The following GPC6 variants were observed in gnomAD, a reference collection of about 807,000 sequenced individuals.
The protein encoded by GPC6 is glypican 6, also known as glypican-6.
Under a neutral mutation model 55.2 loss-of-function variants are expected in GPC6, and 14 were observed. That is an observed-to-expected ratio of 0.25 (90% confidence interval 0.17 to 0.40). GPC6 has a LOEUF of 0.40. GPC6 is among the 10% of genes least tolerant of loss of function. The probability of loss-of-function intolerance (pLI) is 1.00; values close to 1 mark genes in which losing one functional copy is unlikely to be tolerated. For synonymous variants in GPC6, 278 were observed against 259.6 expected (o/e 1.07, Z -0.68); for missense variants, 641 against 708.5 (o/e 0.90, Z 1.08).
In GPC6 at chr13:94,219,330, C is replaced by A. The variant is rs576672713; in HGVS notation, c.878-67019C>A. On this transcript the variant is annotated intron_variant, in intron 4 of 8. Transcript: ENST00000377047. The stretch of plus-strand genomic sequence containing the variant: ...AAGGGCCTGTCCCTGGGCCCTGGCA[C>A]TTTTTAGGTACTCAGTGCTAGTACC... Among the ~76,000 whole-genome samples the A allele has an allele frequency of 2.0e-5, 3 of 152,284 alleles. No individual in the cohort carries two copies. The East Asian group carries it at 5.8e-4, about 29-fold the overall frequency.
At chr13:94,351,388 C>A (rs1436171147) in intron 6 of GPC6, among the ~76,000 whole-genome samples, 1 of 151,962 alleles carries the variant, frequency 6.6e-6, no homozygotes, top group African/African-American at 2.4e-5. Context: ...ATAAAGCTGC[C>A]CCTACACCAT....
At chr13:94,354,047 C>T (rs1473172379) in intron 6 of GPC6, among the ~76,000 whole-genome samples, 2 of 152,238 alleles carry the variant, frequency 1.3e-5, no homozygotes, top group Admixed American at 6.5e-5. Flanking sequence ...CCCATGGCTA[C>T]ATGTGCTTGA....
At chr13:94,395,363 G>C (rs367670324) in intron 7 of GPC6, among the ~76,000 whole-genome samples, 1 of 152,286 alleles carries the variant, frequency 6.6e-6, no homozygotes, top group East Asian at 1.9e-4. Context: ...CCATTTTTTA[G>C]AGCAGTAAAT....
At chr13:93,949,102 A>G (rs1802385668) in intron 3 of GPC6, among the ~76,000 whole-genome samples, 1 of 152,116 alleles carries the variant, frequency 6.6e-6, no homozygotes, top group East Asian at 1.9e-4. Flanking sequence ...AACCTTCTAC[A>G]TTTCCAGTGG....
At chr13:93,751,144 G>A (rs1884566988) in intron 2 of GPC6, among the ~76,000 whole-genome samples, 1 of 137,722 alleles carries the variant, frequency 7.3e-6, no homozygotes, top group South Asian at 2.6e-4. Context: ...AGCTTTTCAA[G>A]TCCCAAAAAA....
At chr13:93,731,316 G>A (rs1293321776) in intron 2 of GPC6, among the ~76,000 whole-genome samples, 1 of 152,126 alleles carries the variant, frequency 6.6e-6, no homozygotes, top group Non-Finnish European at 1.5e-5. Context: ...GTGTTTTTGA[G>A]GTCTTGCCAG....
At chr13:93,402,900 T>C (rs1360541668) in intron 1 of GPC6, among the ~76,000 whole-genome samples, 1 of 152,170 alleles carries the variant, frequency 6.6e-6, no homozygotes, top group East Asian at 1.9e-4. Flanking sequence ...CTATGGAAAT[T>C]GTCTACTAAT....
intron 2 of GPC6, among the ~76,000 whole-genome samples, chr13:93,655,887 G>A (rs1358035308): frequency 6.6e-6 from 1 of 152,020 alleles, no homozygotes; most frequent in Non-Finnish European, 1.5e-5. Context: ...GTAGGAGAAT[G>A]GCATACATAT....
intron 2 of GPC6, among the ~76,000 whole-genome samples, chr13:93,787,074 G>T (rs1027956203): frequency 2.0e-5 from 3 of 152,080 alleles, no homozygotes; most frequent in Admixed American, 6.6e-5. Flanking sequence ...CATTTACAAG[G>T]CCTTTATGTA....
intron 4 of GPC6, among the ~76,000 whole-genome samples, chr13:94,070,259 G>A (rs918892478): frequency 2.0e-5 from 3 of 152,100 alleles, no homozygotes; most frequent in African/African-American, 7.2e-5. Context: ...CATGAGAACA[G>A]CACAGGAAAG....
At chr13:93,427,979 A>G (rs1285330834) in intron 1 of GPC6, among the ~76,000 whole-genome samples, 2 of 152,134 alleles carry the variant, frequency 1.3e-5, no homozygotes, top group Non-Finnish European at 2.9e-5. Flanking sequence ...CTTGTGAAAT[A>G]ATTATTCACA....
chr13:94,371,331 GCA>G (rs1416493359), intron 6 of GPC6, among the ~76,000 whole-genome samples: 1 of 152,044 alleles, frequency 6.6e-6, no homozygotes, highest in African/African-American at 2.4e-5. Flanking sequence ...CCCCAGAGAT[GCA>G]CACACACTCC....
chr13:93,512,974 T>C (rs1478028158), intron 1 of GPC6, among the ~76,000 whole-genome samples: 3 of 152,194 alleles, frequency 2.0e-5, no homozygotes, highest in African/African-American at 7.2e-5. Flanking sequence ...AGGTGTCCAT[T>C]TAACTTGAGT....
intron 6 of GPC6, among the ~76,000 whole-genome samples, chr13:94,315,404 C>T (rs1876473131): frequency 6.6e-6 from 1 of 152,186 alleles, no homozygotes; most frequent in Non-Finnish European, 1.5e-5. Flanking sequence ...ACCCTTACTC[C>T]AGCATCCGGG....
intron 1 of GPC6, among the ~76,000 whole-genome samples, chr13:93,467,860 A>G (rs981701878): frequency 3.3e-5 from 5 of 151,856 alleles, no homozygotes; most frequent in African/African-American, 1.2e-4. Context: ...CAAAGTGTTG[A>G]GATTACAGGT....
At chr13:94,386,975 G>T (rs1253063392) in intron 7 of GPC6, among the ~76,000 whole-genome samples, 1 of 152,136 alleles carries the variant, frequency 6.6e-6, no homozygotes, top group Non-Finnish European at 1.5e-5. Flanking sequence ...ACATCAAAAT[G>T]ACTCTTACAG....
At chr13:93,433,925 C>G (rs1386585134) in intron 1 of GPC6, among the ~76,000 whole-genome samples, 1 of 152,200 alleles carries the variant, frequency 6.6e-6, no homozygotes, top group East Asian at 1.9e-4. Context: ...AGTGAGTTCA[C>G]GCTATGTATA....
intron 1 of GPC6, among the ~76,000 whole-genome samples, chr13:93,498,389 TACAA>T (rs1880389902): frequency 6.6e-6 from 1 of 152,222 alleles, no homozygotes; most frequent in African/African-American, 2.4e-5. Flanking sequence ...TACATATACC[TACAA>T]ACACCTGAGG....
chr13:94,027,439 C>A (rs1264319158), intron 3 of GPC6, among the ~76,000 whole-genome samples: 1 of 152,096 alleles, frequency 6.6e-6, no homozygotes, highest in African/African-American at 2.4e-5. Context: ...TTTAACTTTG[C>A]AAACTGCTTT....
Sources: gnomAD v4.1 joint callset for allele counts (sites outside exome capture counted in the v4.1 genomes callset) on GRCh38, gnomAD v4.1.1 for gene constraint, MANE v1.5 for transcripts, NCBI Gene and HGNC (gene_info 2026-07-23, HGNC 2026-07-21) for gene names.